The following PPFIA2 variants were observed in gnomAD, a reference collection of about 807,000 sequenced individuals.
PPFIA2 encodes PPFI scaffold protein A2.
A neutral mutation model predicts 175.5 loss-of-function variants in PPFIA2; 46 were observed. The observed-to-expected ratio is 0.26, with a 90% confidence interval of 0.21 to 0.34. The LOEUF (loss-of-function observed/expected upper bound fraction) is 0.34. PPFIA2 is among the 10% of genes least tolerant of loss of function. The pLI, the probability that PPFIA2 is intolerant of heterozygous loss-of-function variation, is 1.00. For synonymous variants in PPFIA2, 568 were observed against 511.4 expected, an observed-to-expected ratio of 1.11 and a Z score of -1.49; for missense variants, 1,179 against 1,506.1, an observed-to-expected ratio of 0.78 and a Z score of 3.60.
intron 4 of PPFIA2, among the ~76,000 whole-genome samples, chr12:81,519,354 T>A (rs1292087939): frequency 6.6e-6 from 1 of 152,232 alleles, no homozygotes; most frequent in Non-Finnish European, 1.5e-5. Flanking sequence ...ATTTTAATGC[T>A]GTCTTTCAGC....
intron 7 of PPFIA2, among the ~76,000 whole-genome samples, chr12:81,436,967 C>A (rs1392637104): frequency 6.6e-6 from 1 of 152,116 alleles, no homozygotes; most frequent in Non-Finnish European, 1.5e-5. Context: ...CTTATTTGTA[C>A]AAATGATTTT....
intron 7 of PPFIA2, among the ~76,000 whole-genome samples, chr12:81,407,771 G>A (rs2043198756): frequency 6.6e-6 from 1 of 152,030 alleles, no homozygotes. Context: ...AAAAACAGTT[G>A]AGATACAACT....
chr12:81,606,252 G>A (rs2060303812), intron 4 of PPFIA2, among the ~76,000 whole-genome samples: 1 of 152,004 alleles, frequency 6.6e-6, no homozygotes. Context: ...CCATGTCTTT[G>A]CCATTGTGAA....
intron 27 of PPFIA2, 35 bp from the exon 28 acceptor site, chr12:81,277,449 A>C (rs764982914): frequency 6.8e-7 from 1 of 1,467,616 alleles, no homozygotes; most frequent in Non-Finnish European, 9.0e-7. Context: ...AAACACAGTG[A>C]GTCTACCTTA....
intron 4 of PPFIA2, among the ~76,000 whole-genome samples, chr12:81,483,789 T>C (rs920407586): frequency 6.6e-6 from 1 of 152,132 alleles, no homozygotes; most frequent in African/African-American, 2.4e-5. Flanking sequence ...TTCTGAAGTT[T>C]AATATTTTCA....
At chr12:81,541,159 T>A (rs1311542018) in intron 4 of PPFIA2, among the ~76,000 whole-genome samples, 1 of 152,160 alleles carries the variant, frequency 6.6e-6, no homozygotes, top group Non-Finnish European at 1.5e-5. Context: ...TGTTAAATAG[T>A]CTTCTATTAT....
At chr12:81,527,254 C>A (rs927590569) in intron 4 of PPFIA2, among the ~76,000 whole-genome samples, 2 of 152,146 alleles carry the variant, frequency 1.3e-5, no homozygotes, top group Middle Eastern at 3.4e-3. Context: ...TTTCCTGAAC[C>A]ATTCCCACCA....
intron 5 of PPFIA2, among the ~76,000 whole-genome samples, chr12:81,449,861 T>C (rs1014370425): frequency 2.0e-5 from 3 of 146,628 alleles, no homozygotes; most frequent in African/African-American, 7.5e-5. Flanking sequence ...CATTGTTCAA[T>C]TCCCACCTAT....
chr12:81,695,373 G>A (rs1328180049), intron 3 of PPFIA2, among the ~76,000 whole-genome samples: 1 of 152,118 alleles, frequency 6.6e-6, no homozygotes, highest in Non-Finnish European at 1.5e-5. Flanking sequence ...GTGGTAGTAA[G>A]CTCTTGCGAG....
At chr12:81,706,397 C>A (rs946731337) in intron 3 of PPFIA2, among the ~76,000 whole-genome samples, 2 of 152,168 alleles carry the variant, frequency 1.3e-5, no homozygotes, top group Admixed American at 6.5e-5. Context: ...TAGCAGAGAA[C>A]TTCATAACTA....
At chr12:81,498,022 AT>A (rs1240569202) in intron 4 of PPFIA2, among the ~76,000 whole-genome samples, 1 of 152,212 alleles carries the variant, frequency 6.6e-6, no homozygotes, top group Admixed American at 6.5e-5. Context: ...CCAAATGCTG[AT>A]AACAAACCAA....
intron 4 of PPFIA2, among the ~76,000 whole-genome samples, chr12:81,541,033 A>C (rs999439960): frequency 6.6e-6 from 1 of 152,064 alleles, no homozygotes; most frequent in Non-Finnish European, 1.5e-5. Context: ...CATTATATAC[A>C]TAGGTAGATA....
At chr12:81,503,200 C>T (rs1027762483) in intron 4 of PPFIA2, among the ~76,000 whole-genome samples, 1 of 152,134 alleles carries the variant, frequency 6.6e-6, no homozygotes, top group African/African-American at 2.4e-5. Context: ...TGGTAACAAC[C>T]TTCTAACTGA....
intron 22 of PPFIA2, chr12:81,312,224 G>C: frequency 1.4e-6 from 2 of 1,465,630 alleles, no homozygotes; most frequent in Admixed American, 4.0e-5. Flanking sequence ...AATGTTAATG[G>C]ATACAGTTCA....
intron 4 of PPFIA2, among the ~76,000 whole-genome samples, chr12:81,504,385 A>G (rs1431393709): frequency 3.3e-5 from 5 of 152,210 alleles, no homozygotes; most frequent in East Asian, 3.8e-4. Context: ...GCCAACAAGC[A>G]TATGAAAAAA....
intron 4 of PPFIA2, among the ~76,000 whole-genome samples, chr12:81,619,567 A>G (rs1053597669): frequency 2.0e-5 from 3 of 152,244 alleles, no homozygotes; most frequent in Non-Finnish European, 4.4e-5. Context: ...GGAACAATAA[A>G]TTTAAGTAAG....
intron 3 of PPFIA2, among the ~76,000 whole-genome samples, chr12:81,744,581 C>T (rs1330067391): frequency 6.6e-6 from 1 of 151,998 alleles, no homozygotes; most frequent in African/African-American, 2.4e-5. Flanking sequence ...TGCTACTATG[C>T]CCCGCTAATT....
At chr12:81,453,129 G>A (rs990796992) in intron 5 of PPFIA2, among the ~76,000 whole-genome samples, 15 of 143,514 alleles carry the variant, frequency 1.0e-4, no homozygotes, top group Non-Finnish European at 1.7e-4. Flanking sequence ...ATATCTCCCA[G>A]TGCTATCCCT....
At chr12:81,661,369 G>A (rs1343981038) in intron 4 of PPFIA2, among the ~76,000 whole-genome samples, 1 of 152,054 alleles carries the variant, frequency 6.6e-6, no homozygotes, top group African/African-American at 2.4e-5. Flanking sequence ...CCAAGCAAAT[G>A]GAAAACAGAA....
Sources: gnomAD v4.1 joint callset for allele counts (sites outside exome capture counted in the v4.1 genomes callset) on GRCh38, gnomAD v4.1.1 for gene constraint, MANE v1.5 for transcripts, NCBI Gene and HGNC (gene_info 2026-07-23, HGNC 2026-07-21) for gene names.